Variants in ANO1 observed in about 807,000 individuals in gnomAD.
The protein encoded by ANO1 is anoctamin-1.
In ANO1, 59 loss-of-function variants were observed where a neutral mutation model predicts 124.0. The ratio of observed to expected loss-of-function variants is 0.48; its 90% confidence interval spans 0.39 to 0.59. The LOEUF (loss-of-function observed/expected upper bound fraction) is 0.59. Ranked by LOEUF, ANO1 falls within the 20% of genes least tolerant of loss-of-function variation. The pLI, the probability that ANO1 is intolerant of heterozygous loss-of-function variation, is 0.00. For missense variants in ANO1, 1,059 were observed against 1,328.0 expected, an observed-to-expected ratio of 0.80 and a Z score of 3.15; for synonymous variants, 529 against 532.0, an observed-to-expected ratio of 0.99 and a Z score of 0.08.
At chr11:70,110,928 G>T (rs1004942306) in intron 6 of ANO1, among the ~76,000 whole-genome samples, 2 of 152,276 alleles carry the variant, frequency 1.3e-5, no homozygotes, top group East Asian at 3.8e-4. Flanking sequence ...GGACACACAG[G>T]CATGGTGTTT....
At chr11:70,043,446 T>C (rs1302263678) in intron 1 of ANO1, among the ~76,000 whole-genome samples, 3 of 152,166 alleles carry the variant, frequency 2.0e-5, no homozygotes, top group Admixed American at 6.5e-5. Context: ...CTTTCCTTTG[T>C]TAATGAGAAG....
chr11:70,162,579 T>C (rs2048095121), intron 18 of ANO1, among the ~76,000 whole-genome samples: 1 of 152,036 alleles, frequency 6.6e-6, no homozygotes, highest in South Asian at 2.1e-4. Context: ...CGGTGGGGCC[T>C]GCGGCCCACC....
At chr11:70,142,403 C>G (rs1020802797) in intron 11 of ANO1, among the ~76,000 whole-genome samples, 1 of 152,144 alleles carries the variant, frequency 6.6e-6, no homozygotes, top group Non-Finnish European at 1.5e-5. Context: ...TCTGCGGGAA[C>G]TAAACTTGTT....
intron 5 of ANO1, 39 bp downstream of exon 5, chr11:70,105,827 G>T: frequency 6.2e-7 from 1 of 1,600,842 alleles, no homozygotes; most frequent in Non-Finnish European, 8.6e-7. Flanking sequence ...TCACTGGCAA[G>T]ATGGCCCTGG....
At chr11:70,096,108 G>A (rs980912169) in intron 2 of ANO1, among the ~76,000 whole-genome samples, 1 of 152,162 alleles carries the variant, frequency 6.6e-6, no homozygotes, top group Non-Finnish European at 1.5e-5. Flanking sequence ...CCCTGGTGGG[G>A]GCGGGTCTGC....
the ANO1 span, among the ~76,000 whole-genome samples, chr11:69,979,342 C>T: frequency 2.6e-5 from 4 of 152,182 alleles, no homozygotes; most frequent in Admixed American, 2.6e-4. Context: ...TGGCATGGTG[C>T]TCTGGAAAGA....
At chr11:70,170,521 G>T (rs896578669) in intron 21 of ANO1, among the ~76,000 whole-genome samples, 11 of 152,220 alleles carry the variant, frequency 7.2e-5, no homozygotes, top group African/African-American at 2.7e-4. Flanking sequence ...GAGCCTGGGA[G>T]GTCAAGGCTG....
chr11:70,147,915 G>A (rs940989812), intron 11 of ANO1, among the ~76,000 whole-genome samples: 5 of 152,134 alleles, frequency 3.3e-5, no homozygotes, highest in African/African-American at 7.2e-5. Flanking sequence ...TTGCCTGTGC[G>A]AGCAAGTCTC....
At chr11:70,141,124 G>C (rs1335924490) in intron 11 of ANO1, among the ~76,000 whole-genome samples, 1 of 152,190 alleles carries the variant, frequency 6.6e-6, no homozygotes, top group African/African-American at 2.4e-5. Flanking sequence ...CTGTCCAAAC[G>C]TTCCCTCATG....
At chr11:70,153,610 A>C (rs1162432619) in intron 14 of ANO1, among the ~76,000 whole-genome samples, 1 of 152,218 alleles carries the variant, frequency 6.6e-6, no homozygotes, top group Non-Finnish European at 1.5e-5. Flanking sequence ...TGTGAGAATG[A>C]GGGTGAGACA....
At chr11:69,985,887 G>A (rs1856030173), upstream of ANO1, 1 of 152,300 alleles carries the variant, frequency 6.6e-6, no homozygotes, top group Non-Finnish European at 1.5e-5. Flanking sequence ...AAAAAGCCGA[G>A]GGGGAGGAGC....
chr11:70,046,108 G>A (rs1235844301), intron 1 of ANO1, among the ~76,000 whole-genome samples: 1 of 152,214 alleles, frequency 6.6e-6, no homozygotes, highest in Non-Finnish European at 1.5e-5. Flanking sequence ...ATGCATGACA[G>A]AGGTGCAGGA....
At chr11:70,049,806 C>T (rs1857324178) in intron 1 of ANO1, among the ~76,000 whole-genome samples, 2 of 152,104 alleles carry the variant, frequency 1.3e-5, no homozygotes, top group Non-Finnish European at 2.9e-5. Context: ...CTGCAACCTC[C>T]ACCTCCCTGG....
intron 1 of ANO1, among the ~76,000 whole-genome samples, chr11:70,079,524 G>A (rs2044141028): frequency 6.6e-6 from 1 of 152,186 alleles, no homozygotes; most frequent in Non-Finnish European, 1.5e-5. Context: ...ATTCTCCCAG[G>A]AAGGGTTTGG....
intron 1 of ANO1, among the ~76,000 whole-genome samples, chr11:70,043,003 A>G (rs1463600739): frequency 2.0e-5 from 3 of 152,252 alleles, no homozygotes; most frequent in East Asian, 3.8e-4. Context: ...AATATGACAC[A>G]TAACTAAAAG....
chr11:69,997,106 T>G (rs1453056617), intron 1 of ANO1, among the ~76,000 whole-genome samples: 1 of 152,180 alleles, frequency 6.6e-6, no homozygotes, highest in Non-Finnish European at 1.5e-5. Flanking sequence ...TGCTTAAATT[T>G]TTGCTTTTAT....
At chr11:70,112,553 C>CTTTTTT (rs11357130) in intron 7 of ANO1, among the ~76,000 whole-genome samples, 20 of 136,802 alleles carry the variant, frequency 1.5e-4, no homozygotes, top group East Asian at 6.5e-4. Context: ...CTTTTCTTTT[C>CTTTTTT]TTTTTTTTTT....
chr11:70,106,176 G>A (rs1388018265), intron 5 of ANO1, among the ~76,000 whole-genome samples: 1 of 152,176 alleles, frequency 6.6e-6, no homozygotes, highest in Non-Finnish European at 1.5e-5. Flanking sequence ...GTGGGCAGGA[G>A]GGAGGGTTGG....
intron 1 of ANO1, among the ~76,000 whole-genome samples, chr11:70,039,737 T>C (rs1857152877): frequency 6.6e-6 from 1 of 152,174 alleles, no homozygotes; most frequent in African/African-American, 2.4e-5. Context: ...AAGAGCATGA[T>C]CGCTGTCATT....
Sources: gnomAD v4.1 joint callset for allele counts (sites outside exome capture counted in the v4.1 genomes callset) on GRCh38, gnomAD v4.1.1 for gene constraint, MANE v1.5 for transcripts, NCBI Gene and HGNC (gene_info 2026-07-23, HGNC 2026-07-21) for gene names.